NBEAL2: variants seen among roughly 807,000 people sequenced by gnomAD.
NBEAL2 encodes the protein neurobeachin like 2.
NBEAL2 carries 160 observed loss-of-function variants against 299.8 expected under a neutral mutation model. That is an observed-to-expected ratio of 0.53 (90% CI 0.47 to 0.61). The LOEUF (loss-of-function observed/expected upper bound fraction) is 0.61. Among genes scored for constraint, NBEAL2 ranks in the 20% least tolerant of loss-of-function variants. The pLI, the probability that NBEAL2 is intolerant of heterozygous loss-of-function variation, is 0.00. For missense variants in NBEAL2, 3,112 were observed against 3,649.0 expected (o/e 0.85, Z 3.79); for synonymous variants, 1,493 against 1,542.3 (o/e 0.97, Z 0.75).
rs1487792701 is a variant in NBEAL2 at position 46,991,539 on chromosome 3, A to G, written c.776A>G (p.His259Arg). Residue 259 changes from histidine (H) to arginine (R), a missense_variant, in exon 8 of 54, where the codon CAT (histidine) becomes CGT (arginine). Physicochemically the swap from His to Arg is conservative, Grantham distance 29. Around this residue, in one of 3 missense-constraint regions of NBEAL2, gnomAD observed 2,243 missense variants for 2,538.1 expected, o/e 0.88. Coordinates refer to ENST00000450053, the MANE Select transcript of NBEAL2 (RefSeq NM_015175.3). This position sits in a 1 kb window ranked among gnomAD's most constrained non-coding sequence, Gnocchi z 6.2. The stretch of plus-strand genomic sequence containing the variant: ...CTAGAGGCACTGGTAGGTGCAGTCC[A>G]TGTCTTGCATGCCAGCCGCGCACCT... ...LALEALVGAV[H>R]VLHASRAPPR... 1 of 1,608,434 alleles carries G rather than the reference A, an allele frequency of 6.2e-7. No homozygotes were observed. The highest frequency in any genetic ancestry group is 8.5e-7 in the Non-Finnish European group (1 of 1,179,854).
chr3:47,005,460 C>T (rs1190397002), intron 40 of NBEAL2, 29 bp from the exon 41 acceptor site: 5 of 1,605,764 alleles, frequency 3.1e-6, no homozygotes, highest in Non-Finnish European at 4.3e-6. Flanking sequence ...TTCTCCCCAC[C>T]TCACCTTGGC....
In NBEAL2 at chr3:47,006,226, C is replaced by T. The variant is rs199667156; in HGVS notation, c.6981C>T (p.Ile2327=). The T allele has an allele frequency of 6.2e-6, 10 of 1,613,794 alleles. No individual in the cohort carries two copies. The highest frequency in any genetic ancestry group is 8.5e-6 in the Non-Finnish European group (10 of 1,179,888). The part of the protein sequence containing the change: ...ERERKALEGI[I]SNFGQTPCQL... ...AACGGAAGGCTCTGGAGGGCATTAT[C>T]AGCAACTTTGGGCAGACTCCCTGTC... Residue 2327 remains isoleucine, a synonymous_variant, in exon 44 of 54, where the codon ATC becomes ATT. Coordinates refer to ENST00000450053, the MANE Select transcript of NBEAL2 (RefSeq NM_015175.3).
At position 46,996,838 on chromosome 3, in the gene NBEAL2, T is replaced by G; in HGVS notation, c.2556+5T>G. ...CTCCTCCATTACTCACCTCAGGTAT[T>G]TGGGGGCCCCAGGGGAGTGGTTGGC... is the stretch of plus-strand genomic sequence containing the variant. On this transcript the variant is annotated splice_donor_5th_base_variant and intron_variant, in intron 17 of 53. Transcript: ENST00000450053. 1 of 1,612,460 alleles carries G rather than the reference T, an allele frequency of 6.2e-7. No individual in the cohort carries two copies. The highest frequency in any genetic ancestry group is 8.5e-7 in the Non-Finnish European group (1 of 1,179,702).
At chr3:46,986,012 C>T (rs1050084474) in intron 1 of NBEAL2, among the ~76,000 whole-genome samples, 2 of 152,222 alleles carry the variant, frequency 1.3e-5, no homozygotes, top group African/African-American at 4.8e-5. Flanking sequence ...ACATTGCAGT[C>T]TCAAGCCATG....
Position 47,001,707 on chromosome 3 carries a change from A to G in NBEAL2, c.4663A>G (p.Ser1555Gly). Reference protein sequence around the residue: ...WSEKLFEGVCSLLDRLGAWPH... With the variant: ...WSEKLFEGVCGLLDRLGAWPH... ...GTGGCAGCTCTTTGAAGGTGTATGC[A>G]GCCTACTTGATCGCCTGGGAGCCTG... The change falls in exon 30 of 54, where the codon AGC (serine) becomes GGC (glycine). Residue 1555 changes from serine (S) to glycine (G), a missense_variant. Ser to Gly is a moderately conservative substitution (Grantham distance 56). Around this residue, in one of 3 missense-constraint regions of NBEAL2, gnomAD observed 2,243 missense variants for 2,538.1 expected, o/e 0.88. Transcript: ENST00000450053. This position sits in a 1 kb window ranked among gnomAD's most constrained non-coding sequence, Gnocchi z 6.1. 6.2e-7 allele frequency: 1 copy of G among 1,613,770 alleles called. No individual in the cohort carries two copies. Among genetic ancestry groups the G allele is most frequent in the African/African-American group, 1.3e-5 (1 of 75,056 alleles).
rs1234034207 is a variant in NBEAL2, at chr3:47,004,606, T to C, written c.6294+16T>C. On this transcript the variant is annotated intron_variant, in intron 38 of 53. Transcript: ENST00000450053. The surrounding 1 kb of genome is among the most constrained non-coding windows in gnomAD (Gnocchi z 5.0). ...GTACCCTGTGGTGAGGGTCCCACTCTGCACCCCTCCACCCCTGCCCCTCTG... is the reference window on the plus strand; with the variant it reads ...GTACCCTGTGGTGAGGGTCCCACTCCGCACCCCTCCACCCCTGCCCCTCTG... 1 of 1,608,264 alleles carries C rather than the reference T, an allele frequency of 6.2e-7. No homozygotes were observed.
rs2036416597 is a variant in NBEAL2 at position 46,995,437 on chromosome 3, A to G, written c.1702A>G (p.Met568Val). 6.2e-6 allele frequency: 10 copies of G among 1,612,706 alleles called. No individual in the cohort carries two copies. The Admixed American group carries it at 8.3e-5, about 13-fold the overall frequency. ...TGCTGTCATCCGCACATTATCAGGC[A>G]TGGCCAGGCACCAGGGTCCTGCACG... The part of the protein sequence containing the change: ...AGAVIRTLSG[M>V]ARHQGPARAL... Residue 568 changes from methionine (M) to valine (V), a missense_variant, in exon 13 of 54, where the codon ATG becomes GTG. This residue lies in a region of NBEAL2 where 2,243 missense variants were observed against 2,538.1 expected (regional missense o/e 0.88). Coordinates refer to ENST00000450053, the MANE Select transcript of NBEAL2 (RefSeq NM_015175.3).
chr3:46,999,025 G>C lies in NBEAL2; in HGVS notation c.3451G>C (p.Val1151Leu). 6.2e-7 allele frequency: 1 copy of C among 1,604,058 alleles called. No individual in the cohort carries two copies. The highest frequency in any genetic ancestry group is 8.5e-7 in the Non-Finnish European group (1 of 1,175,680). The change falls in exon 24 of 54, where the codon GTC (valine) becomes CTC (leucine). Residue 1151 changes from valine (V) to leucine (L), a missense_variant. Val to Leu is a conservative substitution (Grantham distance 32). Around this residue, in one of 3 missense-constraint regions of NBEAL2, gnomAD observed 2,243 missense variants for 2,538.1 expected, o/e 0.88. Transcript: ENST00000450053. ...HGSLVQESLA[V>L]FLLEPGNLEV... is the part of the protein sequence containing the mutation. ...TTCCCTGGTGCAGGAGTCCTTGGCT[G>C]TCTTTCTGTTGGAGCCAGGGAACCT...
chr3:47,003,918 C>T lies in NBEAL2; in HGVS notation c.5823C>T (p.Val1941=), dbSNP rs1416545682. The T allele has an allele frequency of 6.2e-7, 1 of 1,613,692 alleles. No individual in the cohort carries two copies. The highest frequency in any genetic ancestry group is 1.1e-5 in the South Asian group (1 of 91,082). ...CCGTGGTCCCAGGGCTGCTGGAGGTCACCACACAGAATGTATACTTCTACG... is the reference window on the plus strand; with the variant it reads ...CCGTGGTCCCAGGGCTGCTGGAGGTTACCACACAGAATGTATACTTCTACG... ...VVAVVPGLLE[V]TTQNVYFYDG... is the part of the protein sequence containing the mutation. Residue 1941 remains valine, a synonymous_variant, in exon 36 of 54, where the codon GTC becomes GTT. Transcript: ENST00000450053. The surrounding 1 kb of genome is among the most constrained non-coding windows in gnomAD (Gnocchi z 7.0).
At position 47,004,116 on chromosome 3, in the gene NBEAL2, G is replaced by A. The variant is rs375666938; in HGVS notation, c.5921G>A (p.Arg1974His). Residue 1974 changes from arginine to histidine, a missense_variant, in exon 37 of 54, where the codon CGT (arginine) becomes CAT (histidine). Physicochemically the swap from Arg to His is conservative, Grantham distance 29. Coordinates refer to ENST00000450053, the MANE Select transcript of NBEAL2 (RefSeq NM_015175.3). The surrounding 1 kb of genome is among the most constrained non-coding windows in gnomAD (Gnocchi z 5.0). ...YDFRRPLAQL[R>H]EVHLRRFNLR... ...TTCCGGCGCCCACTGGCCCAGCTGC[G>A]TGAGGTCCACCTGCGGCGTTTCAAC... is the stretch of plus-strand genomic sequence containing the variant. The A allele has an allele frequency of 6.6e-5, 106 of 1,613,388 alleles. 1 individual carries two copies. The South Asian group carries it at 7.7e-4, about 12-fold the overall frequency.
At chr3:46,992,111 G>A (rs958709985) in intron 9 of NBEAL2, among the ~76,000 whole-genome samples, 165 bp downstream of exon 9, 18 of 152,192 alleles carry the variant, frequency 1.2e-4, no homozygotes, top group Admixed American at 4.6e-4. Context: ...GCATGGACAA[G>A]GGCCCATCCC....
In NBEAL2 at chr3:47,009,475, C is replaced by G. The variant is rs886058609; in HGVS notation, c.*155C>G. 1.1e-5 allele frequency: 8 copies of G among 745,846 alleles called. No homozygotes were observed. Among genetic ancestry groups the G allele is most frequent in the Non-Finnish European group, 1.5e-5 (7 of 455,238 alleles). 46.2% of individuals were successfully genotyped at this position (745,846 alleles called of 1,614,324 possible). ...CAGGGATTGGCGGGCGATGTTACCC[C>G]CTCAGGGATTGGCGGGCGGAAGTCC... is the stretch of plus-strand genomic sequence containing the variant. On this transcript the variant is annotated 3_prime_UTR_variant, in exon 54 of 54. Transcript: ENST00000450053.
chr3:46,987,891 A>C (rs1575586358), intron 1 of NBEAL2: 2 of 641,492 alleles, frequency 3.1e-6, no homozygotes, highest in African/African-American at 2.0e-5. Context: ...CGGCCCCCCC[A>C]CATCCCTGCG....
At position 47,006,344 on chromosome 3, in the gene NBEAL2, A is replaced by C; in HGVS notation, c.7029A>C (p.Pro2343=). 1 of 1,598,202 alleles carries C rather than the reference A, an allele frequency of 6.3e-7. No individual in the cohort carries two copies. Among genetic ancestry groups the C allele is most frequent in the African/African-American group, 1.3e-5 (1 of 74,676 alleles). Reference sequence around the variant, plus strand: ...CCACTTACCCACAGGAGCCACATCCAACTCGGCTCTCAGCTGAGGAAGCAG... The same window carrying C: ...CCACTTACCCACAGGAGCCACATCCCACTCGGCTCTCAGCTGAGGAAGCAG... ...TPCQLLKEPH[P]TRLSAEEAAH... The change falls in exon 45 of 54, where the codon CCA becomes CCC. Residue 2343 remains proline (P), a synonymous_variant. Transcript: ENST00000450053.
rs1398306869 is a variant in NBEAL2, at chr3:47,007,357, C to T, written c.7334+7C>T. On this transcript the variant is annotated splice_region_variant and intron_variant, in intron 47 of 53. Transcript: ENST00000450053. ...CCACCATGGGCAGCCACAAGTAGGA[C>T]AGAGGGCTGTGGGTGGGGTGGGCTA... The T allele has an allele frequency of 6.3e-7, 1 of 1,598,252 alleles. No homozygotes were observed. Among genetic ancestry groups the T allele is most frequent in the South Asian group, 1.1e-5 (1 of 88,644 alleles).
At chr3:46,994,420 A>G in intron 11 of NBEAL2, 35 bp from the exon 12 acceptor site, 5 of 1,545,024 alleles carry the variant, frequency 3.2e-6, no homozygotes, top group African/African-American at 1.4e-5. Context: ...CGGCCCATGT[A>G]TGTGTTCACT....
chr3:47,008,945 C>T, intron 52 of NBEAL2, 44 bp from the exon 53 acceptor site: 2 of 1,597,912 alleles, frequency 1.3e-6, no homozygotes, highest in Non-Finnish European at 1.7e-6. Context: ...GTCGCAAAGC[C>T]CCCTTGCAGT....
intron 41 of NBEAL2, 21 bp downstream of exon 41, chr3:47,005,640 C>T (rs541160101): frequency 6.2e-7 from 1 of 1,613,512 alleles, no homozygotes; most frequent in Admixed American, 1.7e-5. Flanking sequence ...GGTGCTCACA[C>T]TGGAGCGGGC....
At position 47,009,103 on chromosome 3, in the gene NBEAL2, G is replaced by A. The variant is rs781449268; in HGVS notation, c.8142G>A (p.Val2714=). 3.8e-6 allele frequency: 6 copies of A among 1,595,838 alleles called. No individual in the cohort carries two copies. The highest frequency in any genetic ancestry group is 1.3e-5 in the African/African-American group (1 of 74,774). ...VGLEDGKLIV[V]VAGQPSEVRS... Reference sequence around the variant, plus strand: ...TGGAGGATGGCAAGCTCATCGTGGTGGTCGCGGGGCAGCCCTCTGAGGTGA... The same window carrying A: ...TGGAGGATGGCAAGCTCATCGTGGTAGTCGCGGGGCAGCCCTCTGAGGTGA... The change falls in exon 53 of 54, where the codon GTG becomes GTA. Residue 2714 remains valine (V), a synonymous_variant. Coordinates refer to ENST00000450053, the MANE Select transcript of NBEAL2 (RefSeq NM_015175.3).
Sources: allele counts gnomAD v4.1 joint callset (sites outside exome capture counted in the v4.1 genomes callset), GRCh38; gene constraint gnomAD v4.1.1; regional missense constraint gnomAD v4.1.1; non-coding constraint Gnocchi (gnomAD v3.1); transcripts MANE v1.5; gene names NCBI Gene and HGNC (gene_info 2026-07-23, HGNC 2026-07-21).